Variants in TBC1D4 observed in about 807,000 individuals in gnomAD.
The protein encoded by TBC1D4 is TBC1 domain family member 4, also known as TBC (Tre-2, BUB2, CDC16) domain-containing protein.
TBC1D4 carries 121 observed loss-of-function variants against 142.5 expected under a neutral mutation model. The observed-to-expected ratio is 0.85, with a 90% CI of 0.73 to 0.99. The LOEUF (loss-of-function observed/expected upper bound fraction) is 0.99. TBC1D4 is among the 50% of genes least tolerant of loss of function. The pLI is 0.00. For missense variants in TBC1D4, 1,475 were observed against 1,606.6 expected (o/e 0.92, Z 1.40); for synonymous variants, 630 against 628.2 (o/e 1.00, Z -0.04).
intron 3 of TBC1D4, among the ~76,000 whole-genome samples, chr13:75,357,903 T>A (rs1330422242): frequency 6.6e-6 from 1 of 152,208 alleles, no homozygotes; most frequent in East Asian, 1.9e-4. Flanking sequence ...AACCAGAATA[T>A]CAGAATGCAA....
intron 15 of TBC1D4, among the ~76,000 whole-genome samples, chr13:75,305,549 A>G (rs1347153002): frequency 6.6e-6 from 1 of 152,258 alleles, no homozygotes; most frequent in Non-Finnish European, 1.5e-5. Context: ...GCAGCTTTCA[A>G]AATAACACTT....
chr13:75,335,472 C>T (rs928499364), intron 8 of TBC1D4, among the ~76,000 whole-genome samples: 3 of 152,192 alleles, frequency 2.0e-5, no homozygotes, highest in East Asian at 3.9e-4. Flanking sequence ...TTAATTTATA[C>T]TTTTTTCAGC....
chr13:75,330,194 C>G (rs1036387288), intron 8 of TBC1D4, among the ~76,000 whole-genome samples: 7 of 152,170 alleles, frequency 4.6e-5, no homozygotes, highest in African/African-American at 1.7e-4. Context: ...TTCTGAAAGG[C>G]CTTTTTTCAA....
chr13:75,380,347 C>T, intron 1 of TBC1D4, among the ~76,000 whole-genome samples: 1 of 151,892 alleles, frequency 6.6e-6, no homozygotes. Flanking sequence ...GTGGCTGGTG[C>T]CTGTAATCCC....
intron 14 of TBC1D4, among the ~76,000 whole-genome samples, chr13:75,307,011 C>A (rs752070004): frequency 6.6e-6 from 1 of 152,114 alleles, no homozygotes; most frequent in Non-Finnish European, 1.5e-5. Flanking sequence ...CACTCTGTAC[C>A]CCAAGCTGGA....
rs1344593874 is a variant in TBC1D4, at chr13:75,481,346, T to C, written c.422A>G (p.Tyr141Cys). 2 of 1,613,776 alleles carry C rather than the reference T, an allele frequency of 1.2e-6. No individual in the cohort carries two copies. Among genetic ancestry groups the C allele is most frequent in the South Asian group, 1.1e-5 (1 of 91,084 alleles). The stretch of plus-strand genomic sequence containing the variant: ...GTCGTCGGGCTGCGCCTTGATCAGG[T>C]AGGCAAAGTAGGTGAGGTCGTGGCT... ...HNSHDLTYFA[Y>C]LIKAQPDDPE... Residue 141 changes from tyrosine to cysteine, a missense_variant, in exon 1 of 21, where the codon TAC (tyrosine) becomes TGC (cysteine). This residue lies in a region of TBC1D4 where 1,227 missense variants were observed against 1,267.7 expected (regional missense o/e 0.97). Coordinates refer to ENST00000377636, the MANE Select transcript of TBC1D4 (RefSeq NM_014832.5).
chr13:75,439,950 C>A (rs1886966322), intron 1 of TBC1D4, among the ~76,000 whole-genome samples: 1 of 152,148 alleles, frequency 6.6e-6, no homozygotes, highest in South Asian at 2.1e-4. Flanking sequence ...GTTTCATTAA[C>A]ATCTGACTAT....
chr13:75,481,209 G>A, intron 1 of TBC1D4, 61 bp downstream of exon 1: 9 of 731,624 alleles, frequency 1.2e-5, no homozygotes, highest in Non-Finnish European at 1.9e-5. Flanking sequence ...CGCCCCTCCC[G>A]CCCTGCTCCC....
rs377713771 is a variant in TBC1D4, at chr13:75,481,546, G to A, written c.222C>T (p.Cys74=). The A allele has an allele frequency of 3.0e-4, 484 of 1,590,856 alleles. No homozygotes were observed. The highest frequency in any genetic ancestry group is 3.5e-4 in the Non-Finnish European group (404 of 1,169,520). ...TCACCTCTCGGGCCGCCGGCGCCCC[G>A]CAGCCGCCCGCCTCGGGCTTCTGGC... is the stretch of plus-strand genomic sequence containing the variant. ...RRSQKPEAGG[C]GAPAAREVIL... Residue 74 remains cysteine (C), a synonymous_variant, in exon 1 of 21, where the codon TGC becomes TGT. Coordinates refer to ENST00000377636, the MANE Select transcript of TBC1D4 (RefSeq NM_014832.5).
At chr13:75,294,105 T>G (rs959895434) in intron 18 of TBC1D4, among the ~76,000 whole-genome samples, 1 of 152,210 alleles carries the variant, frequency 6.6e-6, no homozygotes, top group Non-Finnish European at 1.5e-5. Flanking sequence ...TTGGTTGTTG[T>G]TGTTGTTGTT....
At chr13:75,315,554 CA>C (rs563514417) in intron 12 of TBC1D4, among the ~76,000 whole-genome samples, 4 of 151,852 alleles carry the variant, frequency 2.6e-5, no homozygotes, top group Non-Finnish European at 5.9e-5. Context: ...TTGAAGTACT[CA>C]TTATCTTCAT....
At chr13:75,468,791 A>G (rs1326029972) in intron 1 of TBC1D4, among the ~76,000 whole-genome samples, 1 of 152,240 alleles carries the variant, frequency 6.6e-6, no homozygotes, top group Non-Finnish European at 1.5e-5. Context: ...CCTTGAGGGC[A>G]GGGATCAATT....
intron 3 of TBC1D4, among the ~76,000 whole-genome samples, chr13:75,357,938 G>T (rs1437419406): frequency 1.3e-5 from 2 of 152,000 alleles, no homozygotes; most frequent in African/African-American, 4.8e-5. Context: ...AAAATACAAA[G>T]GAGAAACAAG....
chr13:75,302,440 T>C, intron 15 of TBC1D4, 39 bp from the exon 16 acceptor site: 1 of 1,613,164 alleles, frequency 6.2e-7, no homozygotes, highest in Non-Finnish European at 8.5e-7. Flanking sequence ...CCTTGAACTC[T>C]GGAATGAAGT....
rs1874470672 is a variant in TBC1D4 at position 75,283,875 on chromosome 13, A to G, written c.*2917T>C. The stretch of plus-strand genomic sequence containing the variant: ...ATTTTAAGTAGGTACAATCCAAACC[A>G]TGCAGATCTTTTTTGTTTGGTTGTT... On this transcript the variant is annotated 3_prime_UTR_variant, in exon 21 of 21. Transcript: ENST00000377636. Among the ~76,000 whole-genome samples the G allele has an allele frequency of 6.6e-6, 1 of 152,164 alleles. No individual in the cohort carries two copies. The highest frequency in any genetic ancestry group is 1.5e-5 in the Non-Finnish European group (1 of 68,026).
chr13:75,474,089 T>C (rs1593925692), intron 1 of TBC1D4, among the ~76,000 whole-genome samples: 1 of 152,214 alleles, frequency 6.6e-6, no homozygotes, highest in African/African-American at 2.4e-5. Flanking sequence ...AAATGGAAAG[T>C]ACATACTGGC....
chr13:75,407,932 C>T (rs983711985), intron 1 of TBC1D4, among the ~76,000 whole-genome samples: 1 of 152,066 alleles, frequency 6.6e-6, no homozygotes. Context: ...CGGGAAATCT[C>T]AGAAAATAAG....
At chr13:75,368,124 T>C (rs976366614) in intron 1 of TBC1D4, among the ~76,000 whole-genome samples, 3 of 152,206 alleles carry the variant, frequency 2.0e-5, no homozygotes, top group Admixed American at 6.5e-5. Flanking sequence ...CAAAGTAAAA[T>C]AGAAGTCTAA....
chr13:75,430,038 G>A (rs1317995200), intron 1 of TBC1D4, among the ~76,000 whole-genome samples: 1 of 152,166 alleles, frequency 6.6e-6, no homozygotes, highest in Non-Finnish European at 1.5e-5. Context: ...TAAATCTCCA[G>A]AGAAGGGTTA....
Sources: allele counts gnomAD v4.1 joint callset (sites outside exome capture counted in the v4.1 genomes callset), GRCh38; gene constraint gnomAD v4.1.1; regional missense constraint gnomAD v4.1.1; transcripts MANE v1.5; gene names NCBI Gene and HGNC (gene_info 2026-07-23, HGNC 2026-07-21).